SLC4A4: variants seen among roughly 807,000 people sequenced by gnomAD.
SLC4A4 encodes the protein solute carrier family 4 member 4.
In SLC4A4, 27 loss-of-function variants were observed where a neutral mutation model predicts 111.5. The ratio of observed to expected loss-of-function variants is 0.24; its 90% CI spans 0.18 to 0.33. SLC4A4 has a LOEUF of 0.33. Ranked by LOEUF, SLC4A4 falls within the 10% of genes least tolerant of loss-of-function variation. SLC4A4 has a pLI of 1.00. For synonymous variants in SLC4A4, 443 were observed against 463.4 expected, an observed-to-expected ratio of 0.96 and a Z score of 0.57; for missense variants, 909 against 1,315.5, an observed-to-expected ratio of 0.69 and a Z score of 4.78.
intron 3 of SLC4A4, among the ~76,000 whole-genome samples, chr4:71,330,435 C>T (rs931880797): frequency 1.3e-5 from 2 of 152,124 alleles, no homozygotes; most frequent in African/African-American, 2.4e-5. Context: ...TACCACACAT[C>T]TACAACTATC....
In SLC4A4 at chr4:71,569,456, G is replaced by A. The variant is rs1418820148; in HGVS notation, c.*1705G>A. ...ATATTTGTGTACATATTATATGTATGTATATTTCAAAGTACCACACTGAAA... is the reference window on the plus strand; with the variant it reads ...ATATTTGTGTACATATTATATGTATATATATTTCAAAGTACCACACTGAAA... On this transcript the variant is annotated 3_prime_UTR_variant, in exon 26 of 26. Coordinates refer to ENST00000264485, the MANE Select transcript of SLC4A4 (RefSeq NM_001098484.3). 6.6e-6 allele frequency: 1 copy of A among 151,396 alleles called. No homozygotes were observed. The highest frequency in any genetic ancestry group is 1.5e-5 in the Non-Finnish European group (1 of 67,732). 9.4% of individuals were successfully genotyped at this position (151,396 alleles called of 1,614,324 possible). A position where few individuals can be genotyped will look rare whatever the true frequency, so the allele number is the denominator to read the frequency against.
intron 18 of SLC4A4, among the ~76,000 whole-genome samples, chr4:71,536,480 A>ATATG (rs1553928637): frequency 6.1e-5 from 6 of 99,134 alleles, no homozygotes; most frequent in African/African-American, 2.1e-4. Context: ...ATATATATAT[A>ATATG]TATATATGTA....
At chr4:71,173,672 G>T (rs1449453153) in intron 2 of SLC4A4, among the ~76,000 whole-genome samples, 1 of 152,146 alleles carries the variant, frequency 6.6e-6, no homozygotes, top group Non-Finnish European at 1.5e-5. Flanking sequence ...ACTGTGCCTG[G>T]CTATCCCCAA....
At chr4:71,377,102 T>A (rs1224213559) in intron 6 of SLC4A4, among the ~76,000 whole-genome samples, 1 of 152,200 alleles carries the variant, frequency 6.6e-6, no homozygotes, top group Non-Finnish European at 1.5e-5. Context: ...TATTTAAAAA[T>A]TTTTAGTTTT....
intron 7 of SLC4A4, among the ~76,000 whole-genome samples, chr4:71,431,343 CTTAA>C (rs1381994933): frequency 1.3e-5 from 2 of 151,988 alleles, no homozygotes; most frequent in Admixed American, 1.3e-4. Context: ...GAGAAGGTCA[CTTAA>C]TTAAATATTG....
intron 3 of SLC4A4, among the ~76,000 whole-genome samples, chr4:71,326,769 A>G (rs1227383006): frequency 6.6e-6 from 1 of 152,060 alleles, no homozygotes; most frequent in Non-Finnish European, 1.5e-5. Context: ...TGACATAGGT[A>G]TAAAATGATG....
chr4:71,126,410 T>G (rs2148959278), intron 2 of SLC4A4, among the ~76,000 whole-genome samples: 1 of 152,314 alleles, frequency 6.6e-6, no homozygotes, highest in East Asian at 1.9e-4. Context: ...TTTCTTTTAT[T>G]TGTTCTGCTA....
intron 1 of SLC4A4, among the ~76,000 whole-genome samples, chr4:71,090,698 C>G (rs1742363417): frequency 6.6e-6 from 1 of 152,132 alleles, no homozygotes; most frequent in Non-Finnish European, 1.5e-5. Flanking sequence ...AAGGGTTGTT[C>G]TTTGCTGGGA....
chr4:71,375,151 A>G (rs1413740814), intron 6 of SLC4A4, among the ~76,000 whole-genome samples: 1 of 151,980 alleles, frequency 6.6e-6, no homozygotes. Context: ...GTCAGTGGTT[A>G]TAGTTGGGCA....
chr4:71,185,357 C>G (rs955920401), upstream of SLC4A4, among the ~76,000 whole-genome samples: 1 of 152,194 alleles, frequency 6.6e-6, no homozygotes, highest in Non-Finnish European at 1.5e-5. Flanking sequence ...TTCTTGCTAA[C>G]TGCCTGCTCA....
rs1456163275 is a variant in SLC4A4 at position 71,567,094 on chromosome 4, G to A, written c.*36+11G>A. ...ACTCGGTATGCCAAGGTAAAGGAGA[G>A]CCCAGTATTTTATGTTTTTCTGTGG... On this transcript the variant is annotated intron_variant, in intron 25 of 25. Transcript: ENST00000264485. The A allele has an allele frequency of 1.3e-6, 2 of 1,599,426 alleles. No individual in the cohort carries two copies. The highest frequency in any genetic ancestry group is 2.2e-5 in the South Asian group (2 of 89,474).
At chr4:71,438,841 A>T (rs1237041185) in intron 7 of SLC4A4, among the ~76,000 whole-genome samples, 1 of 152,122 alleles carries the variant, frequency 6.6e-6, no homozygotes, top group Admixed American at 6.5e-5. Context: ...TGCCTTATGA[A>T]TGGTTAAACT....
intron 23 of SLC4A4, among the ~76,000 whole-genome samples, chr4:71,561,564 A>G (rs1736980945): frequency 6.6e-6 from 1 of 151,840 alleles, no homozygotes; most frequent in Admixed American, 6.6e-5. Context: ...TTCAATAAGA[A>G]AAAGGCTTAA....
At chr4:71,212,688 G>A (rs1489482527) in intron 1 of SLC4A4, among the ~76,000 whole-genome samples, 1 of 152,218 alleles carries the variant, frequency 6.6e-6, no homozygotes, top group Non-Finnish European at 1.5e-5. Context: ...TTGTGTGTGT[G>A]CACGTGTGTG....
At chr4:71,327,033 T>C (rs1727555291) in intron 3 of SLC4A4, among the ~76,000 whole-genome samples, 1 of 151,974 alleles carries the variant, frequency 6.6e-6, no homozygotes, top group Non-Finnish European at 1.5e-5. Context: ...AAATGTGAAA[T>C]CCAGAAGTCC....
intron 16 of SLC4A4, among the ~76,000 whole-genome samples, chr4:71,509,387 G>T (rs913412061): frequency 8.7e-5 from 13 of 150,278 alleles, no homozygotes; most frequent in African/African-American, 3.2e-4. Context: ...AAAATTCATG[G>T]AGTATCTTTT....
intron 1 of SLC4A4, among the ~76,000 whole-genome samples, chr4:71,081,936 T>A (rs1277043927): frequency 6.6e-6 from 1 of 152,098 alleles, no homozygotes; most frequent in Non-Finnish European, 1.5e-5. Flanking sequence ...ATGGCTGGAA[T>A]GCCTGGGTCC....
intron 6 of SLC4A4, among the ~76,000 whole-genome samples, chr4:71,386,815 G>A (rs1191387118): frequency 1.3e-5 from 2 of 152,176 alleles, no homozygotes; most frequent in East Asian, 1.9e-4. Context: ...TAAGGTATGG[G>A]TTTTAGTCTT....
intron 2 of SLC4A4, among the ~76,000 whole-genome samples, chr4:71,129,093 CA>C (rs1163629973): frequency 6.6e-6 from 1 of 152,082 alleles, no homozygotes; most frequent in Non-Finnish European, 1.5e-5. Context: ...GCAAGTGCAA[CA>C]AAAACAAAAA....
Sources: gnomAD v4.1 joint callset for allele counts (sites outside exome capture counted in the v4.1 genomes callset) on GRCh38, gnomAD v4.1.1 for gene constraint, MANE v1.5 for transcripts, NCBI Gene and HGNC (gene_info 2026-07-23, HGNC 2026-07-21) for gene names.